The following CNTN5 variants were observed in gnomAD, a reference collection of about 807,000 sequenced individuals.
CNTN5 encodes contactin 5.
In CNTN5, 77 loss-of-function variants were observed where a neutral mutation model predicts 129.1. The observed-to-expected ratio is 0.60, with a 90% CI of 0.50 to 0.72. The LOEUF (loss-of-function observed/expected upper bound fraction) is 0.72. CNTN5 is among the 30% of genes least tolerant of loss of function. The pLI, the probability that CNTN5 is intolerant of heterozygous loss-of-function variation, is 0.00. For synonymous variants in CNTN5, 509 were observed against 465.6 expected (o/e 1.09, Z -1.20); for missense variants, 1,478 against 1,328.8 (o/e 1.11, Z -1.75).
rs375324214 is a variant in CNTN5, at chr11:99,753,119, C to CTTTTTTTT, written c.56-66411_56-66404dup. ...TTTATAACATTTTAAGCCATATTTGCTTTTTTTTTTTTTTTTTTTTTGAGA... is the reference window on the plus strand; with the variant it reads ...TTTATAACATTTTAAGCCATATTTGCTTTTTTTTTTTTTTTTTTTTTTTTTTTTTGAGA... On this transcript the variant is annotated intron_variant, in intron 3 of 24. Transcript: ENST00000524871. Among the ~76,000 whole-genome samples the CTTTTTTTT allele has an allele frequency of 3.5e-3, 327 of 93,054 alleles. 20 individuals are homozygous for CTTTTTTTT. Among genetic ancestry groups the CTTTTTTTT allele is most frequent in the East Asian group, 7.4e-3 (20 of 2,694 alleles). The allele number at this position is 93,054 out of a possible 152,430, so 61.0% of individuals were successfully genotyped here.
chr11:100,148,554 C>G (rs1755423982), intron 13 of CNTN5, among the ~76,000 whole-genome samples: 1 of 152,174 alleles, frequency 6.6e-6, no homozygotes, highest in Admixed American at 6.5e-5. Flanking sequence ...CTAACTAACT[C>G]CCTTTGATCT....
rs989056067 is a variant in CNTN5, at chr11:100,140,799, G to A, written c.1581-50327G>A. Among the ~76,000 whole-genome samples the A allele has an allele frequency of 7.9e-5, 12 of 152,170 alleles. 1 individual carries two copies. Among genetic ancestry groups the A allele is most frequent in the African/African-American group, 2.9e-4 (12 of 41,452 alleles). ...ATTTTCAAGGAATGAAAGTGATTAGGAAGAAGGTTACTATATAATTCTAAC... is the reference window on the plus strand; with the variant it reads ...ATTTTCAAGGAATGAAAGTGATTAGAAAGAAGGTTACTATATAATTCTAAC... On this transcript the variant is annotated intron_variant, in intron 13 of 24. Coordinates refer to ENST00000524871, the MANE Select transcript of CNTN5 (RefSeq NM_014361.4).
intron 3 of CNTN5, among the ~76,000 whole-genome samples, chr11:99,684,067 T>C (rs1167744869): frequency 2.0e-5 from 3 of 151,834 alleles, no homozygotes; most frequent in Admixed American, 6.6e-5. Context: ...AGTGAAATTT[T>C]GTTTCCTCTA....
chr11:99,705,541 C>T (rs17134227), intron 3 of CNTN5, among the ~76,000 whole-genome samples: 1,610 of 151,508 alleles, frequency 0.011, 28 homozygotes, highest in African/African-American at 0.037. Flanking sequence ...TCCTGATTCA[C>T]TTAAGCAAGT....
chr11:99,997,938 T>G (rs1009146747), intron 8 of CNTN5, among the ~76,000 whole-genome samples: 2 of 152,166 alleles, frequency 1.3e-5, no homozygotes, highest in East Asian at 3.9e-4. Context: ...AGAAAAGGCC[T>G]TTGACAAAAT....
intron 13 of CNTN5, among the ~76,000 whole-genome samples, chr11:100,141,525 C>G (rs931850704): frequency 6.6e-6 from 1 of 152,150 alleles, no homozygotes. Flanking sequence ...AGAATAACAA[C>G]TTACCTCTAT....
At chr11:99,857,228 C>T (rs530632549) in intron 6 of CNTN5, among the ~76,000 whole-genome samples, 2 of 152,146 alleles carry the variant, frequency 1.3e-5, no homozygotes, top group Admixed American at 6.6e-5. Context: ...ACTATAAACT[C>T]ATTGAGGGCA....
intron 6 of CNTN5, among the ~76,000 whole-genome samples, chr11:99,900,098 C>T (rs185622134): frequency 2.6e-5 from 4 of 151,540 alleles, no homozygotes; most frequent in African/African-American, 9.7e-5. Context: ...TGAGTCTTCT[C>T]TCTTTTTTTT....
chr11:100,272,745 G>A (rs1489971109), intron 18 of CNTN5, among the ~76,000 whole-genome samples: 1 of 152,104 alleles, frequency 6.6e-6, no homozygotes, highest in Non-Finnish European at 1.5e-5. Context: ...TTTATTTCTG[G>A]CCCCCAACAG....
intron 2 of CNTN5, among the ~76,000 whole-genome samples, chr11:99,516,666 G>C (rs1042886641): frequency 6.6e-6 from 1 of 152,024 alleles, no homozygotes. Flanking sequence ...AGGAAAAAAA[G>C]ATTTAAGTAC....
At chr11:99,382,845 C>CTTTTTTTTTTTTT (rs1163660333) in intron 2 of CNTN5, among the ~76,000 whole-genome samples, 1,181 of 76,914 alleles carry the variant, frequency 0.015, 287 homozygotes, top group East Asian at 0.043. Context: ...CTCTAAATAA[C>CTTTTTTTTTTTTT]TTTTTTTTTT....
chr11:99,285,741 T>C (rs1340964917), intron 1 of CNTN5, among the ~76,000 whole-genome samples: 1 of 151,880 alleles, frequency 6.6e-6, no homozygotes, highest in Non-Finnish European at 1.5e-5. Context: ...AAAATGCATA[T>C]GAAAAGCAGA....
At chr11:99,647,236 G>A (rs1249705272) in intron 3 of CNTN5, among the ~76,000 whole-genome samples, 2 of 151,996 alleles carry the variant, frequency 1.3e-5, no homozygotes, top group Non-Finnish European at 2.9e-5. Context: ...GGTAAAGGGT[G>A]TAGTTTCACT....
At chr11:99,354,259 T>C (rs2136089664) in intron 2 of CNTN5, among the ~76,000 whole-genome samples, 1 of 152,342 alleles carries the variant, frequency 6.6e-6, no homozygotes, top group South Asian at 2.1e-4. Flanking sequence ...AATCACATGC[T>C]ATTTAAAGTA....
At chr11:99,741,796 A>AT (rs954767851) in intron 3 of CNTN5, among the ~76,000 whole-genome samples, 2 of 151,932 alleles carry the variant, frequency 1.3e-5, no homozygotes, top group Non-Finnish European at 2.9e-5. Context: ...CAGGTTAAGT[A>AT]TTTTTTTCCA....
chr11:99,495,381 TA>T (rs1310434266), intron 2 of CNTN5, among the ~76,000 whole-genome samples: 1 of 152,024 alleles, frequency 6.6e-6, no homozygotes, highest in Admixed American at 6.6e-5. Context: ...AAATTAAAAA[TA>T]AATAAATCAT....
At position 99,332,860 on chromosome 11, in the gene CNTN5, C is replaced by T. The variant is rs185890913; in HGVS notation, c.-71+7376C>T. 1.8e-4 allele frequency among the ~76,000 whole-genome samples: 28 copies of T among 152,086 alleles called. No individual in the cohort carries two copies. In the East Asian group the frequency reaches 5.0e-3, roughly 27 times the overall value. The stretch of plus-strand genomic sequence containing the variant: ...ATTTACCTTACTAAATTTTAAGAGG[C>T]GATAGCCAGAGGTTCAAATATTGGA... On this transcript the variant is annotated intron_variant, in intron 2 of 24. Coordinates refer to ENST00000524871, the MANE Select transcript of CNTN5 (RefSeq NM_014361.4).
chr11:99,631,868 A>C lies in CNTN5; in HGVS notation c.55+75599A>C, dbSNP rs574968404. 5.9e-5 allele frequency among the ~76,000 whole-genome samples: 9 copies of C among 152,278 alleles called. No homozygotes were observed. In the South Asian group the frequency reaches 1.9e-3, roughly 32 times the overall value. The stretch of plus-strand genomic sequence containing the variant: ...TTACTTGTGGTCTGAAAATAGGTGA[A>C]TACAATACAAGTAGGTATTTTGAGA... On this transcript the variant is annotated intron_variant, in intron 3 of 24. Coordinates refer to ENST00000524871, the MANE Select transcript of CNTN5 (RefSeq NM_014361.4).
chr11:99,753,120 T>TG (rs368521011), intron 3 of CNTN5, among the ~76,000 whole-genome samples: 3 of 48,466 alleles, frequency 6.2e-5, no homozygotes, highest in East Asian at 3.0e-3. Context: ...CCATATTTGC[T>TG]TTTTTTTTTT....
Sources: gnomAD v4.1 joint callset for allele counts (sites outside exome capture counted in the v4.1 genomes callset) on GRCh38, gnomAD v4.1.1 for gene constraint, MANE v1.5 for transcripts, NCBI Gene and HGNC (gene_info 2026-07-23, HGNC 2026-07-21) for gene names.